The following GRAMD1B variants were observed in gnomAD, a reference collection of about 807,000 sequenced individuals.
GRAMD1B encodes the protein GRAM domain containing 1B.
GRAMD1B carries 37 observed loss-of-function variants against 99.7 expected under a neutral mutation model. The ratio of observed to expected loss-of-function variants is 0.37; its 90% CI spans 0.29 to 0.49. GRAMD1B has a LOEUF of 0.49. GRAMD1B is among the 20% of genes least tolerant of loss of function. The probability of loss-of-function intolerance (pLI) is 0.98; values close to 1 mark genes in which losing one functional copy is unlikely to be tolerated. For synonymous variants in GRAMD1B, 427 were observed against 387.6 expected (o/e 1.10, Z -1.19); for missense variants, 888 against 1,009.2 (o/e 0.88, Z 1.63).
At position 123,620,041 on chromosome 11, in the gene GRAMD1B, T is replaced by C. The variant is rs116072834; in HGVS notation, c.2544+817T>C. On this transcript the variant is annotated intron_variant, in intron 19 of 19. Transcript: ENST00000635736. ...TTTTGTGACCGTGAGCAAGGGACCT[T>C]GAGCTTCCATTTCTTCATTTATAAA... 5.1e-3 allele frequency among the ~76,000 whole-genome samples: 783 copies of C among 152,370 alleles called. 9 individuals carry two copies. Among genetic ancestry groups the C allele is most frequent in the African/African-American group, 0.018 (749 of 41,584 alleles).
At chr11:123,377,200 G>A (rs1347305651) in intron 1 of GRAMD1B, among the ~76,000 whole-genome samples, 1 of 152,172 alleles carries the variant, frequency 6.6e-6, no homozygotes, top group African/African-American at 2.4e-5. Context: ...CCTTTAGATT[G>A]ATTTATCTTG....
chr11:123,521,750 T>C (rs1350487733), intron 2 of GRAMD1B, among the ~76,000 whole-genome samples: 2 of 152,234 alleles, frequency 1.3e-5, no homozygotes, highest in Admixed American at 6.5e-5. Context: ...AGTTTATCCT[T>C]ACAGTGAGAG....
At chr11:123,387,350 T>A (rs1947100138) in intron 1 of GRAMD1B, among the ~76,000 whole-genome samples, 1 of 152,124 alleles carries the variant, frequency 6.6e-6, no homozygotes, top group African/African-American at 2.4e-5. Flanking sequence ...AAAGGCAGCG[T>A]GTTTGCTGAC....
At chr11:123,447,715 G>A (rs2134329382) in intron 1 of GRAMD1B, among the ~76,000 whole-genome samples, 1 of 152,332 alleles carries the variant, frequency 6.6e-6, no homozygotes, top group South Asian at 2.1e-4. Flanking sequence ...TGTCTGAAGA[G>A]TTATGCTAAT....
chr11:123,392,627 T>C (rs1470191971), intron 1 of GRAMD1B, among the ~76,000 whole-genome samples: 3 of 152,126 alleles, frequency 2.0e-5, no homozygotes, highest in Non-Finnish European at 2.9e-5. Flanking sequence ...TTAAGTTTTA[T>C]CATTCTATAA....
intron 11 of GRAMD1B, chr11:123,607,687 T>G (rs1302509624): frequency 2.7e-5 from 1 of 36,652 alleles, no homozygotes; most frequent in Non-Finnish European, 5.7e-5. Flanking sequence ...TCATAGGACT[T>G]GACCCCTACA....
chr11:123,594,637 C>T (rs905198061), intron 5 of GRAMD1B, 98 bp from the exon 6 acceptor site: 2 of 714,560 alleles, frequency 2.8e-6, no homozygotes, highest in African/African-American at 1.7e-5. Context: ...GCATTGGGCT[C>T]CCCCAGTGCT....
chr11:123,547,610 C>T (rs967246474), intron 2 of GRAMD1B, among the ~76,000 whole-genome samples: 3 of 152,212 alleles, frequency 2.0e-5, no homozygotes, highest in Non-Finnish European at 4.4e-5. Context: ...TTTTGCTTCC[C>T]CTCTCTCTTC....
rs753432814 is a variant in GRAMD1B at position 123,431,008 on chromosome 11, G to A, written c.216G>A (p.Lys72=). ...RDLPAVLAPG[K]EFLQLPSIEI... is the part of the protein sequence containing the mutation. ...TGCCCGCCGTCTTGGCCCCCGGCAA[G>A]GAGTTCCTGCAGCTGCCGTCCATCG... The change falls in exon 1 of 20, where the codon AAG becomes AAA. Residue 72 remains lysine (K), a synonymous_variant. Transcript: ENST00000635736. The A allele has an allele frequency of 1.4e-6, 1 of 702,992 alleles. No individual in the cohort carries two copies. Among genetic ancestry groups the A allele is most frequent in the South Asian group, 1.5e-5 (1 of 67,604 alleles). The allele number at this position is 702,992 out of a possible 1,614,324, so 43.5% of individuals were successfully genotyped here. A position where few individuals can be genotyped will look rare whatever the true frequency, so the allele number is the denominator to read the frequency against.
chr11:123,383,425 T>C (rs1946951788), intron 1 of GRAMD1B, among the ~76,000 whole-genome samples: 1 of 152,192 alleles, frequency 6.6e-6, no homozygotes, highest in South Asian at 2.1e-4. Context: ...AGTTTCCTCA[T>C]CTGTAAAATG....
intron 2 of GRAMD1B, among the ~76,000 whole-genome samples, chr11:123,548,325 T>TATATATATATATATATACAC (rs1555067740): frequency 2.6e-4 from 23 of 86,880 alleles, no homozygotes; most frequent in African/African-American, 7.7e-4. Flanking sequence ...TATATATATA[T>TATATATATATATATATACAC]ACACACACAC....
chr11:123,555,496 C>T (rs1946093316), intron 2 of GRAMD1B, among the ~76,000 whole-genome samples: 1 of 152,090 alleles, frequency 6.6e-6, no homozygotes, highest in Non-Finnish European at 1.5e-5. Context: ...TTACAGATGC[C>T]TGCCACCACA....
intron 2 of GRAMD1B, among the ~76,000 whole-genome samples, chr11:123,489,101 C>T (rs1938237421): frequency 6.6e-6 from 1 of 151,640 alleles, no homozygotes; most frequent in Admixed American, 6.6e-5. Flanking sequence ...ACCCAGGGAG[C>T]CTGTCCATTT....
intron 5 of GRAMD1B, 108 bp from the exon 6 acceptor site, chr11:123,594,627 G>A (rs112127646): frequency 5.2e-5 from 36 of 686,956 alleles, no homozygotes; most frequent in African/African-American, 4.7e-4. Flanking sequence ...TCCGTGGTGG[G>A]CATTGGGCTC....
At chr11:123,452,196 A>G (rs1476304994) in intron 1 of GRAMD1B, among the ~76,000 whole-genome samples, 1 of 152,186 alleles carries the variant, frequency 6.6e-6, no homozygotes, top group African/African-American at 2.4e-5. Context: ...AACAAATGTA[A>G]AAATTTAAAA....
intron 2 of GRAMD1B, among the ~76,000 whole-genome samples, chr11:123,536,785 C>T (rs1259110116): frequency 2.0e-5 from 3 of 152,132 alleles, no homozygotes; most frequent in Non-Finnish European, 2.9e-5. Flanking sequence ...CCTCCCCAGT[C>T]ATGTGTTTTG....
intron 1 of GRAMD1B, among the ~76,000 whole-genome samples, chr11:123,456,594 A>G (rs569534560): frequency 1.1e-4 from 16 of 152,168 alleles, no homozygotes; most frequent in African/African-American, 2.6e-4. Context: ...GGGCAATGTC[A>G]TGAGACCTCG....
chr11:123,487,793 G>C (rs1938033885), intron 2 of GRAMD1B, among the ~76,000 whole-genome samples: 1 of 152,130 alleles, frequency 6.6e-6, no homozygotes, highest in Non-Finnish European at 1.5e-5. Flanking sequence ...TTTTAGTAGA[G>C]ACAGGGTTTC....
intron 1 of GRAMD1B, among the ~76,000 whole-genome samples, chr11:123,451,471 A>G (rs1023108080): frequency 2.6e-5 from 4 of 152,324 alleles, no homozygotes; most frequent in African/African-American, 4.8e-5. Context: ...TTGTTGTACC[A>G]TACGTGTGTT....
Sources: gnomAD v4.1 joint callset for allele counts (sites outside exome capture counted in the v4.1 genomes callset) on GRCh38, gnomAD v4.1.1 for gene constraint, MANE v1.5 for transcripts, NCBI Gene and HGNC (gene_info 2026-07-23, HGNC 2026-07-21) for gene names.